The following HERC1 variants were observed in gnomAD, a reference collection of about 807,000 sequenced individuals.
HERC1 encodes the protein probable E3 ubiquitin-protein ligase HERC1.
HERC1 carries 160 observed loss-of-function variants against 554.3 expected under a neutral mutation model. That is an observed-to-expected ratio of 0.29 (90% CI 0.25 to 0.33). HERC1 has a LOEUF of 0.33. HERC1 is among the 10% of genes least tolerant of loss of function. The pLI is 1.00. For missense variants in HERC1, 4,919 were observed against 5,918.5 expected (o/e 0.83, Z 5.54); for synonymous variants, 2,175 against 2,131.7 (o/e 1.02, Z -0.56).
chr15:63,686,391 T>C lies in HERC1; in HGVS notation c.6193A>G (p.Thr2065Ala), dbSNP rs994637292. Residue 2065 changes from threonine (T) to alanine (A), a missense_variant, in exon 34 of 78, where the codon ACA becomes GCA. Physicochemically the swap from Thr to Ala is moderately conservative, Grantham distance 58. Around this residue, in one of 11 missense-constraint regions of HERC1, gnomAD observed 85 missense variants for 163.2 expected, o/e 0.52. Coordinates refer to ENST00000443617, the MANE Select transcript of HERC1 (RefSeq NM_003922.4). Reference protein sequence around the residue: ...SGGKGYGLASTGVTSGCYQWK... With the variant: ...SGGKGYGLASAGVTSGCYQWK... ...TGATAGCACCCAGAAGTTACTCCTG[T>C]AGATGCCAATCCATATCCTTTCCCT... is the stretch of plus-strand genomic sequence containing the variant. The C allele has an allele frequency of 3.1e-6, 5 of 1,613,202 alleles. No homozygotes were observed. In the African/African-American group the frequency reaches 4.0e-5, roughly 13 times the overall value.
In HERC1 at chr15:63,624,269, G is replaced by C; in HGVS notation, c.13334C>G (p.Pro4445Arg). 1 of 1,613,744 alleles carries C rather than the reference G, an allele frequency of 6.2e-7. No individual in the cohort carries two copies. Residue 4445 changes from proline to arginine, a missense_variant, in exon 72 of 78, where the codon CCT becomes CGT. Physicochemically the swap from Pro to Arg is moderately radical, Grantham distance 103. Around this residue, in one of 11 missense-constraint regions of HERC1, gnomAD observed 410 missense variants for 467.0 expected, o/e 0.88. Coordinates refer to ENST00000443617, the MANE Select transcript of HERC1 (RefSeq NM_003922.4). ...TWGIVQGQLR[P>R]LLAPRVYTLP... ...AGTGTAGACTCTTGGGGCTAACAAAGGCCGAAGTTGTCCCTGTACAATGCC... is the reference window on the plus strand; with the variant it reads ...AGTGTAGACTCTTGGGGCTAACAAACGCCGAAGTTGTCCCTGTACAATGCC...
chr15:63,644,733 T>C (rs921238675), intron 57 of HERC1, among the ~76,000 whole-genome samples: 1 of 152,360 alleles, frequency 6.6e-6, no homozygotes, highest in Admixed American at 6.5e-5. Flanking sequence ...GACTCGTCTA[T>C]CTGTAGTATC....
At chr15:63,721,170 T>A (rs2073801522) in intron 19 of HERC1, among the ~76,000 whole-genome samples, 2 of 152,174 alleles carry the variant, frequency 1.3e-5, no homozygotes, top group African/African-American at 2.4e-5. Flanking sequence ...TTTTTCCTCC[T>A]CATTACTATT....
chr15:63,615,898 A>G lies in HERC1; in HGVS notation c.13964T>C (p.Val4655Ala), dbSNP rs1274653176. The G allele has an allele frequency of 1.3e-6, 2 of 1,596,988 alleles. No homozygotes were observed. Among genetic ancestry groups the G allele is most frequent in the Non-Finnish European group, 1.7e-6 (2 of 1,173,564 alleles). Residue 4655 changes from valine (V) to alanine (A), a missense_variant, in exon 76 of 78, where the codon GTT becomes GCT. Physicochemically the swap from Val to Ala is moderately conservative, Grantham distance 64. This residue lies in a region of HERC1 where 284 missense variants were observed against 294.1 expected (regional missense o/e 0.97). Transcript: ENST00000443617. Reference protein sequence around the residue: ...FHEMIPLDSFVGQSADGKMVP... With the variant: ...FHEMIPLDSFAGQSADGKMVP... ...CATTTTGCCATCAGCACTCTGGCCA[A>G]CAAAAGAATCAAGAGGAATCATCTA...
At position 63,728,838 on chromosome 15, in the gene HERC1, A is replaced by G. The variant is rs146254132; in HGVS notation, c.3154+398T>C. Among the ~76,000 whole-genome samples the G allele has an allele frequency of 3.1e-4, 47 of 152,134 alleles. No homozygotes were observed. The Middle Eastern group carries it at 0.01, about 33-fold the overall frequency. The stretch of plus-strand genomic sequence containing the variant: ...AGAAGAGTCAGAGGAAGAGGAGAGA[A>G]AAAAGGACTGTGACTACACAGAAGC... On this transcript the variant is annotated intron_variant, in intron 16 of 77. Transcript: ENST00000443617.
At chr15:63,704,572 T>C (rs2153088542) in intron 25 of HERC1, among the ~76,000 whole-genome samples, 1 of 152,264 alleles carries the variant, frequency 6.6e-6, no homozygotes, top group Admixed American at 6.5e-5. Flanking sequence ...GCAATTATAT[T>C]CACCTGAGCT....
chr15:63,658,671 C>T lies in HERC1; in HGVS notation c.9472G>A (p.Gly3158Arg), dbSNP rs781117637. 2 of 1,613,864 alleles carry T rather than the reference C, an allele frequency of 1.2e-6. No individual in the cohort carries two copies. The highest frequency in any genetic ancestry group is 1.3e-5 in the African/African-American group (1 of 75,068). The change falls in exon 48 of 78, where the codon GGA becomes AGA. Residue 3158 changes from glycine to arginine, a missense_variant. Transcript: ENST00000443617. ...TTTGCTAGGGCAGCTGCCTGCTCTC[C>T]TAACGTTATTCTCCCAGAGGAGCTC... ...EKSSSGRITL[G>R]EQAAALANPH...
At chr15:63,675,491 A>C (rs1489996213) in intron 37 of HERC1, among the ~76,000 whole-genome samples, 1 of 152,214 alleles carries the variant, frequency 6.6e-6, no homozygotes, top group Non-Finnish European at 1.5e-5. Context: ...CACTGATACA[A>C]CTAAACAAAT....
At chr15:63,609,605 C>G (rs1193441937) in intron 77 of HERC1, among the ~76,000 whole-genome samples, 1 of 152,208 alleles carries the variant, frequency 6.6e-6, no homozygotes, top group Non-Finnish European at 1.5e-5. Flanking sequence ...ACCTGTCCTT[C>G]ATACCCATCC....
At chr15:63,794,405 G>C (rs1477891264) in intron 1 of HERC1, among the ~76,000 whole-genome samples, 13 of 152,128 alleles carry the variant, frequency 8.5e-5, no homozygotes, top group Non-Finnish European at 1.9e-4. Flanking sequence ...ATTACTGGTT[G>C]AATCACTGAG....
rs751886412 is a variant in HERC1 at position 63,669,619 on chromosome 15, T to C, written c.8125A>G (p.Thr2709Ala). 2 of 1,613,676 alleles carry C rather than the reference T, an allele frequency of 1.2e-6. No homozygotes were observed. Among genetic ancestry groups the C allele is most frequent in the South Asian group, 1.1e-5 (1 of 91,070 alleles). The change falls in exon 40 of 78, where the codon ACC (threonine) becomes GCC (alanine). Residue 2709 changes from threonine to alanine, a missense_variant. Transcript: ENST00000443617. ...CTTCCTACTTCATCAGAAGGAGAGG[T>C]TGGTAACGAAGATATTGGAGGAGTC... ...AQTPPISSLP[T>A]SPSDEVGRRQ...
chr15:63,659,935 T>G lies in HERC1; in HGVS notation c.9225A>C (p.Glu3075Asp). 6.3e-7 allele frequency: 1 copy of G among 1,599,760 alleles called. No individual in the cohort carries two copies. Among genetic ancestry groups the G allele is most frequent in the African/African-American group, 1.3e-5 (1 of 74,738 alleles). ...CATCAACATCCAACATGTCCCAGTC[T>G]TCTGGAATTTAAATAAATAAATGTA... ...LIGKQDSVYE[E>D]DWDMLDVDED... Residue 3075 changes from glutamate to aspartate, a missense_variant and splice_region_variant, in exon 47 of 78, where the codon GAA becomes GAC. Around this residue, in one of 11 missense-constraint regions of HERC1, gnomAD observed 1,963 missense variants for 2,228.6 expected, o/e 0.88. Transcript: ENST00000443617.
intron 55 of HERC1, among the ~76,000 whole-genome samples, chr15:63,646,607 C>G (rs56333803): frequency 0.19 from 28,028 of 151,202 alleles, 2,848 homozygotes; most frequent in Admixed American, 0.22. Context: ...CGAGACCAGC[C>G]TGGCCAGCAT....
At chr15:63,747,981 T>A in intron 10 of HERC1, 123 bp from the exon 11 acceptor site, 1 of 908,346 alleles carries the variant, frequency 1.1e-6, no homozygotes, top group South Asian at 1.9e-5. Context: ...ATCCTAGCAC[T>A]TTGGGAGGCC....
intron 22 of HERC1, among the ~76,000 whole-genome samples, chr15:63,714,695 C>G (rs919098633): frequency 6.6e-6 from 1 of 151,594 alleles, no homozygotes; most frequent in Admixed American, 6.6e-5. Flanking sequence ...ATTACAGATG[C>G]GCGCCACCAC....
chr15:63,622,623 A>G (rs2068131341), intron 74 of HERC1, among the ~76,000 whole-genome samples, 192 bp downstream of exon 74: 1 of 152,156 alleles, frequency 6.6e-6, no homozygotes, highest in Non-Finnish European at 1.5e-5. Context: ...GTAAGCCACC[A>G]TGCCTGGCCT....
chr15:63,701,214 A>C (rs1001280843), intron 25 of HERC1, among the ~76,000 whole-genome samples: 2 of 152,178 alleles, frequency 1.3e-5, no homozygotes, highest in African/African-American at 4.8e-5. Context: ...GCACAAAAAA[A>C]TTGGTTTGTC....
Position 63,619,863 on chromosome 15 carries a change from C to T in HERC1, c.13688+2952G>A, listed in dbSNP as rs1173644605. On this transcript the variant is annotated intron_variant, in intron 74 of 77. Coordinates refer to ENST00000443617, the MANE Select transcript of HERC1 (RefSeq NM_003922.4). Reference sequence around the variant, plus strand: ...ATATCCCCTTTGTCATTTTTTATTGCGTCTATTTGATTCTTCTCTCTTTTC... The same window carrying T: ...ATATCCCCTTTGTCATTTTTTATTGTGTCTATTTGATTCTTCTCTCTTTTC... Among the ~76,000 whole-genome samples the T allele has an allele frequency of 7.9e-5, 12 of 151,836 alleles. No individual in the cohort carries two copies. In the South Asian group the frequency reaches 1.2e-3, roughly 16 times the overall value.
rs1166354463 is a variant in HERC1, at chr15:63,756,465, T to C, written c.1505A>G (p.Lys502Arg). 1 of 1,613,850 alleles carries C rather than the reference T, an allele frequency of 6.2e-7. No individual in the cohort carries two copies. The highest frequency in any genetic ancestry group is 8.5e-7 in the Non-Finnish European group (1 of 1,179,818). ...TCCTTGTAGAGGTCCCTGAATAAGC[T>C]TGGGATATTTCTGTGTTGAACTATT... is the stretch of plus-strand genomic sequence containing the variant. ...HGNSSTQKYPKLIQGPLQGKV... is the reference protein window; with the variant it reads ...HGNSSTQKYPRLIQGPLQGKV... Residue 502 changes from lysine (K) to arginine (R), a missense_variant, in exon 5 of 78, where the codon AAG becomes AGG. Around this residue, in one of 11 missense-constraint regions of HERC1, gnomAD observed 744 missense variants for 1,090.0 expected, o/e 0.68. Transcript: ENST00000443617. The surrounding 1 kb of genome is among the most constrained non-coding windows in gnomAD (Gnocchi z 5.0).
Sources: allele counts gnomAD v4.1 joint callset (sites outside exome capture counted in the v4.1 genomes callset), GRCh38; gene constraint gnomAD v4.1.1; regional missense constraint gnomAD v4.1.1; non-coding constraint Gnocchi (gnomAD v3.1); transcripts MANE v1.5; gene names NCBI Gene and HGNC (gene_info 2026-07-23, HGNC 2026-07-21).